The following NRG3 variants were observed in gnomAD, a reference collection of about 807,000 sequenced individuals.
NRG3 encodes the protein neuregulin 3.
In NRG3, 31 loss-of-function variants were observed where a neutral mutation model predicts 66.9. That is an observed-to-expected ratio of 0.46 (90% CI 0.35 to 0.63). NRG3 has a LOEUF of 0.63. Ranked by LOEUF, NRG3 falls within the 20% of genes least tolerant of loss-of-function variation. NRG3 has a pLI of 0.00. For missense variants in NRG3, 910 were observed against 878.9 expected (o/e 1.04, Z -0.45); for synonymous variants, 393 against 359.4 (o/e 1.09, Z -1.06).
intron 1 of NRG3, among the ~76,000 whole-genome samples, chr10:82,227,278 A>G (rs1431775725): frequency 6.6e-6 from 1 of 152,122 alleles, no homozygotes; most frequent in African/African-American, 2.4e-5. Flanking sequence ...ATTTGGAACC[A>G]TTCATTCTAC....
rs576728654 is a variant in NRG3, at chr10:82,504,181, C to T, written c.953+145313C>T. Among the ~76,000 whole-genome samples the T allele has an allele frequency of 2.7e-3, 410 of 152,222 alleles. 1 individual carries two copies. Among genetic ancestry groups the T allele is most frequent in the African/African-American group, 9.7e-3 (403 of 41,526 alleles). On this transcript the variant is annotated intron_variant, in intron 2 of 8. Coordinates refer to ENST00000372141, the MANE Select transcript of NRG3 (RefSeq NM_001010848.4). ...AGGGACGGGTTTCTATAACTCTGTG[C>T]CCTTCATGAATGATCAGTCAGATGC...
chr10:81,905,568 G>A (rs968789447), intron 1 of NRG3, among the ~76,000 whole-genome samples: 4 of 152,154 alleles, frequency 2.6e-5, no homozygotes, highest in Admixed American at 2.6e-4. Flanking sequence ...ACACCCTTGG[G>A]CAATTCAATA....
intron 2 of NRG3, among the ~76,000 whole-genome samples, chr10:82,530,255 A>G (rs1245065472): frequency 1.3e-5 from 2 of 152,120 alleles, no homozygotes; most frequent in African/African-American, 4.8e-5. Flanking sequence ...TATGGAAGCC[A>G]TGGAGCAGAA....
intron 4 of NRG3, among the ~76,000 whole-genome samples, chr10:82,917,166 G>C (rs1845920464): frequency 6.6e-6 from 1 of 152,142 alleles, no homozygotes; most frequent in South Asian, 2.1e-4. Flanking sequence ...AAATTAAACA[G>C]GGTCCTAATA....
At chr10:82,482,044 C>G (rs555120416) in intron 2 of NRG3, among the ~76,000 whole-genome samples, 27 of 152,036 alleles carry the variant, frequency 1.8e-4, no homozygotes, top group Non-Finnish European at 3.7e-4. Context: ...CGAAGCACAG[C>G]TTAGCTCAAT....
intron 3 of NRG3, among the ~76,000 whole-genome samples, chr10:82,848,180 A>C (rs577193063): frequency 6.6e-6 from 1 of 152,334 alleles, no homozygotes; most frequent in African/African-American, 2.4e-5. Context: ...TGGATGTCAT[A>C]GATACAATGA....
chr10:82,207,710 G>A (rs1046105663), intron 1 of NRG3, among the ~76,000 whole-genome samples: 9 of 152,238 alleles, frequency 5.9e-5, no homozygotes, highest in South Asian at 2.1e-4. Flanking sequence ...AAGGGGAAGC[G>A]GGCATAGACC....
At chr10:82,939,457 G>A (rs1200911246) in intron 4 of NRG3, among the ~76,000 whole-genome samples, 2 of 150,928 alleles carry the variant, frequency 1.3e-5, no homozygotes, top group African/African-American at 4.9e-5. Context: ...TGTTGTTGTT[G>A]TTATTGGTTT....
chr10:82,678,198 C>T (rs1316870336), intron 2 of NRG3, among the ~76,000 whole-genome samples: 1 of 152,134 alleles, frequency 6.6e-6, no homozygotes, highest in African/African-American at 2.4e-5. Flanking sequence ...CACTCACATC[C>T]GTGTGAAGAG....
At chr10:82,303,820 T>A (rs1455967567) in intron 1 of NRG3, among the ~76,000 whole-genome samples, 1 of 151,932 alleles carries the variant, frequency 6.6e-6, no homozygotes. Flanking sequence ...TGAGCCAAGA[T>A]CACACCACTG....
chr10:81,997,281 A>G (rs975874650), intron 1 of NRG3, among the ~76,000 whole-genome samples: 9 of 152,166 alleles, frequency 5.9e-5, no homozygotes, highest in Admixed American at 5.9e-4. Context: ...AGCTAAGTCA[A>G]GCCCCTTGCC....
At chr10:82,559,234 A>G (rs1014329973) in intron 2 of NRG3, among the ~76,000 whole-genome samples, 1 of 152,084 alleles carries the variant, frequency 6.6e-6, no homozygotes, top group African/African-American at 2.4e-5. Context: ...TCAGGTCCTC[A>G]AGATGCAGAT....
intron 1 of NRG3, among the ~76,000 whole-genome samples, chr10:82,052,107 C>A (rs911925111): frequency 2.0e-5 from 3 of 150,140 alleles, no homozygotes; most frequent in African/African-American, 4.9e-5. Context: ...TAATAGTTAT[C>A]CTCATAAGCA....
chr10:82,015,871 G>T lies in NRG3; in HGVS notation c.823+139708G>T, dbSNP rs968524840. On this transcript the variant is annotated intron_variant, in intron 1 of 8. Coordinates refer to ENST00000372141, the MANE Select transcript of NRG3 (RefSeq NM_001010848.4). ...GGTTAATAATACCTACATCATAGAA[G>T]TTATAGTGTATTAAAAATAGCACAT... Among the ~76,000 whole-genome samples the T allele has an allele frequency of 5.9e-5, 9 of 151,422 alleles. No individual in the cohort carries two copies. The East Asian group carries it at 1.7e-3, about 29-fold the overall frequency.
chr10:82,239,119 A>G (rs938465895), intron 1 of NRG3, among the ~76,000 whole-genome samples: 1 of 151,760 alleles, frequency 6.6e-6, no homozygotes, highest in Admixed American at 6.6e-5. Flanking sequence ...AGTATTTATA[A>G]TACGATCTAT....
At chr10:82,406,042 G>A (rs1270164621) in intron 2 of NRG3, among the ~76,000 whole-genome samples, 2 of 152,132 alleles carry the variant, frequency 1.3e-5, no homozygotes, top group African/African-American at 2.4e-5. Flanking sequence ...TCAAGATGAT[G>A]CCTCAAACAG....
chr10:82,115,200 C>T (rs1399909338), intron 1 of NRG3, among the ~76,000 whole-genome samples: 1 of 152,048 alleles, frequency 6.6e-6, no homozygotes, highest in African/African-American at 2.4e-5. Context: ...GAGGCTTATT[C>T]ACCCAGCTTG....
intron 2 of NRG3, among the ~76,000 whole-genome samples, chr10:82,629,996 A>G (rs1288712360): frequency 6.6e-6 from 1 of 152,134 alleles, no homozygotes; most frequent in Non-Finnish European, 1.5e-5. Flanking sequence ...CTGACACCAA[A>G]GGGAATCCAG....
intron 2 of NRG3, among the ~76,000 whole-genome samples, chr10:82,529,469 A>G (rs190953820): frequency 6.6e-6 from 1 of 152,244 alleles, no homozygotes; most frequent in African/African-American, 2.4e-5. Context: ...TGCTATCACT[A>G]CAGTGGTTGT....
Sources: gnomAD v4.1 joint callset for allele counts (sites outside exome capture counted in the v4.1 genomes callset) on GRCh38, gnomAD v4.1.1 for gene constraint, MANE v1.5 for transcripts, NCBI Gene and HGNC (gene_info 2026-07-23, HGNC 2026-07-21) for gene names.